ROBO1: variants seen among roughly 807,000 people sequenced by gnomAD.
The protein encoded by ROBO1 is roundabout homolog 1.
In ROBO1, 149 loss-of-function variants were observed where a neutral mutation model predicts 195.9. That is an observed-to-expected ratio of 0.76 (90% CI 0.67 to 0.87). The LOEUF is 0.87. Among genes scored for constraint, ROBO1 ranks in the 40% least tolerant of loss-of-function variants. ROBO1 has a pLI of 0.00. For synonymous variants in ROBO1, 816 were observed against 733.2 expected (o/e 1.11, Z -1.82); for missense variants, 1,933 against 2,068.3 (o/e 0.93, Z 1.27).
chr3:79,765,762 T>C (rs1704951679), intron 1 of ROBO1, among the ~76,000 whole-genome samples: 1 of 152,142 alleles, frequency 6.6e-6, no homozygotes, highest in Admixed American at 6.5e-5. Context: ...AATCAGTATA[T>C]TTCCTTTGAT....
chr3:78,877,973 T>C (rs1257769950), intron 4 of ROBO1, among the ~76,000 whole-genome samples: 1 of 152,284 alleles, frequency 6.6e-6, no homozygotes, highest in Admixed American at 6.5e-5. Context: ...TGTGCAGGCA[T>C]CTGGCTTCCG....
intron 1 of ROBO1, among the ~76,000 whole-genome samples, chr3:79,666,615 C>A (rs887344515): frequency 4.0e-5 from 6 of 151,826 alleles, no homozygotes; most frequent in African/African-American, 2.4e-5. Context: ...TTTCCACTTT[C>A]ACTTGACTCT....
intron 3 of ROBO1, among the ~76,000 whole-genome samples, chr3:79,073,721 C>T (rs983412476): frequency 6.6e-6 from 1 of 151,564 alleles, no homozygotes; most frequent in Non-Finnish European, 1.5e-5. Context: ...AAAGAGAGTT[C>T]GCTTTATGCC....
intron 2 of ROBO1, among the ~76,000 whole-genome samples, chr3:79,129,568 A>G (rs747022285): frequency 6.6e-6 from 1 of 152,268 alleles, no homozygotes; most frequent in South Asian, 2.1e-4. Context: ...GTCCTCAAGG[A>G]AACTTTGTCT....
chr3:78,625,844 G>A (rs1704732940), intron 26 of ROBO1, among the ~76,000 whole-genome samples: 1 of 151,760 alleles, frequency 6.6e-6, no homozygotes, highest in South Asian at 2.1e-4. Context: ...ATGCGAATCA[G>A]GAAGGCAGAA....
At chr3:78,894,983 T>C (rs2107407261) in intron 4 of ROBO1, among the ~76,000 whole-genome samples, 1 of 152,342 alleles carries the variant, frequency 6.6e-6, no homozygotes, top group African/African-American at 2.4e-5. Flanking sequence ...GTTCCATTCT[T>C]GAAGAATCAC....
In ROBO1 at chr3:79,675,930, A is replaced by G. The variant is rs78692825; in HGVS notation, c.-50-85969T>C. ...TTTCTCTTCGTCATACATCTGCACA[A>G]TTGTCGATAAAAAGGTATAGCTTTC... is the stretch of plus-strand genomic sequence containing the variant. On this transcript the variant is annotated intron_variant, in intron 1 of 30. Coordinates refer to ENST00000464233, the MANE Select transcript of ROBO1 (RefSeq NM_002941.4). Among the ~76,000 whole-genome samples, 390 of 152,138 alleles carry G rather than the reference A, an allele frequency of 2.6e-3. 2 individuals are homozygous for G. Among genetic ancestry groups the G allele is most frequent in the African/African-American group, 8.8e-3 (364 of 41,540 alleles).
At chr3:78,604,393 A>T (rs1363843067) in intron 29 of ROBO1, among the ~76,000 whole-genome samples, 1 of 152,178 alleles carries the variant, frequency 6.6e-6, no homozygotes, top group Non-Finnish European at 1.5e-5. Context: ...CCTTCTTATA[A>T]GCAGGAATTG....
intron 4 of ROBO1, among the ~76,000 whole-genome samples, chr3:78,752,800 A>G (rs113457337): frequency 6.6e-6 from 1 of 152,330 alleles, no homozygotes; most frequent in East Asian, 1.9e-4. Context: ...TCAATTCTGT[A>G]TAAAGTTTCC....
At chr3:79,642,176 T>G (rs1404713830) in intron 1 of ROBO1, among the ~76,000 whole-genome samples, 1 of 152,172 alleles carries the variant, frequency 6.6e-6, no homozygotes, top group Non-Finnish European at 1.5e-5. Context: ...ATGGATCAAG[T>G]AGTGAAAATA....
intron 2 of ROBO1, among the ~76,000 whole-genome samples, chr3:79,300,555 C>G (rs571004717): frequency 1.3e-5 from 2 of 152,202 alleles, no homozygotes; most frequent in African/African-American, 2.4e-5. Flanking sequence ...CGCTGACCCC[C>G]GCTCCATGGC....
At chr3:79,392,787 G>A (rs2037003157) in intron 2 of ROBO1, among the ~76,000 whole-genome samples, 1 of 152,014 alleles carries the variant, frequency 6.6e-6, no homozygotes, top group Non-Finnish European at 1.5e-5. Flanking sequence ...AACATCCTAA[G>A]AAAATACTGC....
chr3:79,655,216 T>C (rs1253906481), intron 1 of ROBO1, among the ~76,000 whole-genome samples: 1 of 152,078 alleles, frequency 6.6e-6, no homozygotes, highest in African/African-American at 2.4e-5. Context: ...AAAATATAAA[T>C]GACATGAGTT....
At chr3:78,808,067 T>A (rs1015801624) in intron 4 of ROBO1, among the ~76,000 whole-genome samples, 1 of 152,158 alleles carries the variant, frequency 6.6e-6, no homozygotes. Context: ...AAAATTAGGT[T>A]AAAATACAAT....
At chr3:79,072,356 AT>A (rs1483262311) in intron 3 of ROBO1, among the ~76,000 whole-genome samples, 13 of 152,076 alleles carry the variant, frequency 8.5e-5, no homozygotes, top group African/African-American at 3.1e-4. Flanking sequence ...TTTGTTTCAA[AT>A]ATTTAAATAT....
chr3:78,991,545 A>C (rs2077237899), intron 3 of ROBO1, among the ~76,000 whole-genome samples: 1 of 152,196 alleles, frequency 6.6e-6, no homozygotes, highest in Non-Finnish European at 1.5e-5. Flanking sequence ...TTCCCAGTGA[A>C]ACTGAACAAA....
intron 1 of ROBO1, among the ~76,000 whole-genome samples, chr3:79,756,518 C>A (rs1007453388): frequency 2.5e-4 from 36 of 143,980 alleles, no homozygotes; most frequent in African/African-American, 9.1e-4. Context: ...CCACTGCACT[C>A]CAGCCTGGGC....
chr3:78,835,193 T>C (rs2032599544), intron 4 of ROBO1, among the ~76,000 whole-genome samples: 1 of 152,160 alleles, frequency 6.6e-6, no homozygotes, highest in African/African-American at 2.4e-5. Flanking sequence ...GAAACTAAAA[T>C]ATTTTTTCTT....
chr3:79,514,526 C>T (rs551747440), intron 2 of ROBO1, among the ~76,000 whole-genome samples: 18 of 151,894 alleles, frequency 1.2e-4, no homozygotes, highest in East Asian at 3.9e-4. Flanking sequence ...CTCTGGGGTC[C>T]AATGCATTTT....
Sources: gnomAD v4.1 joint callset for allele counts (sites outside exome capture counted in the v4.1 genomes callset) on GRCh38, gnomAD v4.1.1 for gene constraint, MANE v1.5 for transcripts, NCBI Gene and HGNC (gene_info 2026-07-23, HGNC 2026-07-21) for gene names.